VEZT: variants seen among roughly 807,000 people sequenced by gnomAD.
The protein encoded by VEZT is vezatin, adherens junctions transmembrane protein, also known as vezatin.
A neutral mutation model predicts 79.9 loss-of-function variants in VEZT; 39 were observed. The ratio of observed to expected loss-of-function variants is 0.49; its 90% CI spans 0.38 to 0.64. The LOEUF (loss-of-function observed/expected upper bound fraction) is 0.64, where lower values mean the gene tolerates loss of function less well. VEZT is among the 30% of genes least tolerant of loss of function. VEZT has a pLI of 0.00. For synonymous variants in VEZT, 325 were observed against 327.6 expected, an observed-to-expected ratio of 0.99 and a Z score of 0.09; for missense variants, 837 against 893.1, an observed-to-expected ratio of 0.94 and a Z score of 0.80.
chr12:95,253,586 G>A (rs1311227844), intron 2 of VEZT, among the ~76,000 whole-genome samples: 1 of 152,178 alleles, frequency 6.6e-6, no homozygotes, highest in African/African-American at 2.4e-5. Flanking sequence ...AGAATGGCCA[G>A]GGGATAGTCT....
intron 1 of VEZT, among the ~76,000 whole-genome samples, chr12:95,240,969 G>T (rs1030657162): frequency 6.6e-6 from 1 of 152,014 alleles, no homozygotes; most frequent in South Asian, 2.1e-4. Flanking sequence ...GCAGCATCCC[G>T]ATCTCTACAC....
At chr12:95,255,888 G>A (rs1490301859) in intron 2 of VEZT, among the ~76,000 whole-genome samples, 2 of 152,016 alleles carry the variant, frequency 1.3e-5, no homozygotes, top group African/African-American at 2.4e-5. Context: ...TACTATTATG[G>A]TGTGTAAGTC....
chr12:95,247,143 G>A (rs1046805644), intron 1 of VEZT, among the ~76,000 whole-genome samples: 3 of 152,166 alleles, frequency 2.0e-5, no homozygotes, highest in African/African-American at 7.2e-5. Context: ...CTTTGTCACT[G>A]TCATTCTCAT....
chr12:95,242,986 T>G (rs560384837), intron 1 of VEZT, among the ~76,000 whole-genome samples: 14 of 152,330 alleles, frequency 9.2e-5, no homozygotes, highest in African/African-American at 3.1e-4. Flanking sequence ...CTTAAGCCTT[T>G]TATACCAGAC....
intron 8 of VEZT, among the ~76,000 whole-genome samples, chr12:95,283,031 GTATA>G (rs996249627): frequency 1.3e-5 from 2 of 152,088 alleles, no homozygotes; most frequent in Non-Finnish European, 2.9e-5. Flanking sequence ...TACTGGAACA[GTATA>G]TATGTTATAT....
chr12:95,255,069 A>G (rs1484159098), intron 2 of VEZT, among the ~76,000 whole-genome samples: 1 of 152,068 alleles, frequency 6.6e-6, no homozygotes, highest in Non-Finnish European at 1.5e-5. Context: ...GCTGAGTTCC[A>G]GGTGCTTGTT....
chr12:95,252,100 C>T (rs781002656), intron 2 of VEZT, 29 bp downstream of exon 2: 14 of 1,590,818 alleles, frequency 8.8e-6, no homozygotes, highest in African/African-American at 5.4e-5. Flanking sequence ...TCTTTCTGGC[C>T]GAATCTTTTG....
intron 5 of VEZT, among the ~76,000 whole-genome samples, chr12:95,267,340 C>T (rs954099591): frequency 1.3e-5 from 2 of 152,154 alleles, no homozygotes; most frequent in Admixed American, 6.5e-5. Flanking sequence ...ATTCTAAACC[C>T]GGCTTGCAGT....
At chr12:95,245,684 A>T in intron 1 of VEZT, 1 of 395,896 alleles carries the variant, frequency 2.5e-6, no homozygotes, top group South Asian at 1.9e-5. Flanking sequence ...TGAAGCTAAT[A>T]ATAAAAGCAC....
At chr12:95,252,838 G>A (rs542224178) in intron 2 of VEZT, among the ~76,000 whole-genome samples, 19 of 152,266 alleles carry the variant, frequency 1.2e-4, no homozygotes, top group Admixed American at 2.0e-4. Context: ...GGTGGCGGGC[G>A]CCTGTAATCC....
intron 8 of VEZT, chr12:95,286,323 A>G: frequency 2.3e-6 from 1 of 425,692 alleles, no homozygotes; most frequent in Non-Finnish European, 4.6e-6. Context: ...GTATGTAACA[A>G]GAATACCAAG....
intron 7 of VEZT, among the ~76,000 whole-genome samples, chr12:95,277,807 A>G (rs1044383763): frequency 6.6e-6 from 1 of 152,250 alleles, no homozygotes; most frequent in African/African-American, 2.4e-5. Flanking sequence ...TTGACATATA[A>G]TGGGTACCCC....
At chr12:95,236,743 C>T (rs970047080) in intron 1 of VEZT, among the ~76,000 whole-genome samples, 8 of 151,928 alleles carry the variant, frequency 5.3e-5, no homozygotes, top group South Asian at 2.1e-4. Flanking sequence ...CCTGCCACCA[C>T]GCCCGGCTAA....
At chr12:95,300,101 A>G in intron 11 of VEZT, 64 bp from the exon 12 acceptor site, 1 of 934,974 alleles carries the variant, frequency 1.1e-6, no homozygotes, top group Non-Finnish European at 1.4e-6. Flanking sequence ...GTTTGAATTA[A>G]AAGTTTAAAT....
chr12:95,282,120 T>C, intron 7 of VEZT, among the ~76,000 whole-genome samples, 193 bp from the exon 8 acceptor site: 1 of 152,132 alleles, frequency 6.6e-6, no homozygotes, highest in East Asian at 1.9e-4. Flanking sequence ...TGTATTGGAA[T>C]CAGAGGTTCC....
chr12:95,219,536 C>T lies in VEZT; in HGVS notation c.36+1650C>T, dbSNP rs190775663. Reference sequence around the variant, plus strand: ...CGTGAATCTTTTCCCATTCATCATTCTCTGAAAACATTAATATTATAATAT... The same window carrying T: ...CGTGAATCTTTTCCCATTCATCATTTTCTGAAAACATTAATATTATAATAT... On this transcript the variant is annotated intron_variant, in intron 1 of 11. Coordinates refer to ENST00000436874, the MANE Select transcript of VEZT (RefSeq NM_017599.4). 1.2e-4 allele frequency among the ~76,000 whole-genome samples: 18 copies of T among 152,198 alleles called. No homozygotes were observed. In the East Asian group the frequency reaches 2.9e-3, roughly 24 times the overall value.
chr12:95,231,169 C>G (rs1182730216), intron 1 of VEZT, among the ~76,000 whole-genome samples: 1 of 152,138 alleles, frequency 6.6e-6, no homozygotes, highest in Non-Finnish European at 1.5e-5. Flanking sequence ...TGCAGCCAGA[C>G]AAACTTCTTA....
intron 1 of VEZT, among the ~76,000 whole-genome samples, chr12:95,227,005 T>C (rs981721272): frequency 6.6e-6 from 1 of 152,220 alleles, no homozygotes; most frequent in Non-Finnish European, 1.5e-5. Flanking sequence ...GAACAAAGTT[T>C]AGAAAATGAT....
chr12:95,227,249 T>C (rs2058617491), intron 1 of VEZT, among the ~76,000 whole-genome samples: 1 of 151,954 alleles, frequency 6.6e-6, no homozygotes, highest in South Asian at 2.1e-4. Flanking sequence ...CAGCCTCCAC[T>C]TCCCAGGCTC....
Sources: allele counts gnomAD v4.1 joint callset (sites outside exome capture counted in the v4.1 genomes callset), GRCh38; gene constraint gnomAD v4.1.1; transcripts MANE v1.5; gene names NCBI Gene and HGNC (gene_info 2026-07-23, HGNC 2026-07-21).